Variants in PRKCQ observed in about 807,000 individuals in gnomAD.
PRKCQ encodes protein kinase C theta type.
A neutral mutation model predicts 91.2 loss-of-function variants in PRKCQ; 41 were observed. The ratio of observed to expected loss-of-function variants is 0.45; its 90% CI spans 0.35 to 0.58. PRKCQ has a LOEUF of 0.58. Ranked by LOEUF, PRKCQ falls within the 20% of genes least tolerant of loss-of-function variation. The pLI is 0.00. For synonymous variants in PRKCQ, 307 were observed against 316.9 expected (o/e 0.97, Z 0.33); for missense variants, 673 against 896.5 (o/e 0.75, Z 3.18).
intron 1 of PRKCQ, among the ~76,000 whole-genome samples, chr10:6,577,871 G>A (rs1201119670): frequency 1.3e-5 from 2 of 150,820 alleles, no homozygotes; most frequent in East Asian, 3.9e-4. Context: ...GTCTGTGTAG[G>A]TCTACTTCTG....
At chr10:6,566,146 A>G (rs543919789) in intron 1 of PRKCQ, among the ~76,000 whole-genome samples, 1 of 152,304 alleles carries the variant, frequency 6.6e-6, no homozygotes, top group African/African-American at 2.4e-5. Context: ...AGAACGAATC[A>G]TGTTTTGCTG....
intron 1 of PRKCQ, among the ~76,000 whole-genome samples, chr10:6,520,436 A>G (rs1038201302): frequency 6.6e-6 from 1 of 152,072 alleles, no homozygotes; most frequent in Non-Finnish European, 1.5e-5. Flanking sequence ...CTCAGTCTCC[A>G]TCCAATCTCC....
At chr10:6,485,058 C>T (rs1391182083) in intron 10 of PRKCQ, 94 bp downstream of exon 10, 2 of 1,086,286 alleles carry the variant, frequency 1.8e-6, no homozygotes, top group Non-Finnish European at 1.4e-6. Flanking sequence ...CCTATCAGAC[C>T]AGGTAAGCTG....
intron 1 of PRKCQ, among the ~76,000 whole-genome samples, chr10:6,570,539 G>A (rs971648363): frequency 2.0e-5 from 3 of 149,986 alleles, no homozygotes; most frequent in African/African-American, 7.3e-5. Flanking sequence ...CCTCAGACAG[G>A]AACTAAGGGG....
intron 1 of PRKCQ, among the ~76,000 whole-genome samples, chr10:6,545,703 C>T (rs1369872592): frequency 3.9e-5 from 6 of 152,088 alleles, no homozygotes; most frequent in Admixed American, 3.9e-4. Context: ...TTCTCATGTC[C>T]CTGAACCGTA....
chr10:6,417,257 T>C, the PRKCQ span, among the ~76,000 whole-genome samples: 3 of 152,326 alleles, frequency 2.0e-5, no homozygotes, highest in Middle Eastern at 0.01. Flanking sequence ...TCAGTTGTTA[T>C]TTTGAAATAC....
At chr10:6,552,215 A>G (rs1467156680) in intron 1 of PRKCQ, among the ~76,000 whole-genome samples, 1 of 152,186 alleles carries the variant, frequency 6.6e-6, no homozygotes, top group African/African-American at 2.4e-5. Context: ...CAAGTGTATT[A>G]TAAAGTGTTT....
chr10:6,434,858 T>C (rs78262299), intron 16 of PRKCQ, among the ~76,000 whole-genome samples: 7 of 152,320 alleles, frequency 4.6e-5, no homozygotes, highest in Non-Finnish European at 8.8e-5. Context: ...TAGTTTCCCA[T>C]CATTTTCAAA....
Position 6,515,069 on chromosome 10 carries a change from C to T in PRKCQ, c.67G>A (p.Glu23Lys), listed in dbSNP as rs1183410285. 4.3e-6 allele frequency: 7 copies of T among 1,613,868 alleles called. No homozygotes were observed. Among genetic ancestry groups the T allele is most frequent in the Admixed American group, 1.7e-5 (1 of 59,952 alleles). The change falls in exon 2 of 18, where the codon GAG becomes AAG. Residue 23 changes from glutamate to lysine, a missense_variant. Transcript: ENST00000263125. ...ACAGCACAGTAAGGGTTAACAGCCTCGCCCTGACAAGACTGGCAGGACCCG... is the reference window on the plus strand; with the variant it reads ...ACAGCACAGTAAGGGTTAACAGCCTTGCCCTGACAAGACTGGCAGGACCCG... ...DCGSCQSCQG[E>K]AVNPYCAVLV...
In PRKCQ at chr10:6,511,128, G is replaced by A. The variant is rs757291117; in HGVS notation, c.185C>T (p.Ala62Val). Reference sequence around the variant, plus strand: ...CATGACTCTTCCCTTGTTGATATGGGCATCAAAAGTGCTGTCCCAGGGTGG... The same window carrying A: ...CATGACTCTTCCCTTGTTGATATGGACATCAAAAGTGCTGTCCCAGGGTGG... The part of the protein sequence containing the change: ...MYPPWDSTFD[A>V]HINKGRVMQI... The change falls in exon 3 of 18, where the codon GCC becomes GTC. Residue 62 changes from alanine (A) to valine (V), a missense_variant. Physicochemically the swap from Ala to Val is moderately conservative, Grantham distance 64. Coordinates refer to ENST00000263125, the MANE Select transcript of PRKCQ (RefSeq NM_006257.5). The A allele has an allele frequency of 1.2e-6, 2 of 1,614,066 alleles. No homozygotes were observed. Among genetic ancestry groups the A allele is most frequent in the Non-Finnish European group, 1.7e-6 (2 of 1,180,028 alleles).
intron 15 of PRKCQ, among the ~76,000 whole-genome samples, chr10:6,445,121 CAAAAAAA>C (rs61291267): frequency 4.7e-5 from 5 of 105,420 alleles, no homozygotes; most frequent in South Asian, 3.3e-4. Flanking sequence ...AAGACTCTGT[CAAAAAAA>C]AAAAAAAAAA....
the PRKCQ span, among the ~76,000 whole-genome samples, chr10:6,403,094 C>T: frequency 6.6e-6 from 1 of 152,232 alleles, no homozygotes; most frequent in Non-Finnish European, 1.5e-5. Flanking sequence ...GTTTTATCTC[C>T]TCTGCCAATC....
In PRKCQ at chr10:6,472,342, G is replaced by A. The variant is rs542765729; in HGVS notation, c.1353+6650C>T. On this transcript the variant is annotated intron_variant, in intron 12 of 17. Transcript: ENST00000263125. ...CAAACAAAAAAAAAGCAGGCATGTA[G>A]GAAAGATGCGGCATTTCAGATGCAC... 9.2e-5 allele frequency among the ~76,000 whole-genome samples: 14 copies of A among 152,286 alleles called. No individual in the cohort carries two copies. In the East Asian group the frequency reaches 2.5e-3, roughly 27 times the overall value.
intron 1 of PRKCQ, chr10:6,515,606 T>C (rs2130870862): frequency 1.3e-6 from 1 of 776,460 alleles, no homozygotes; most frequent in Non-Finnish European, 1.6e-6. Context: ...GGTCTATTTA[T>C]GTGTGTAATG....
chr10:6,449,451 G>C (rs1009018737), intron 15 of PRKCQ, among the ~76,000 whole-genome samples: 214 of 152,252 alleles, frequency 1.4e-3, no homozygotes, highest in African/African-American at 5.0e-3. Context: ...CCAAATCTGT[G>C]TCTGATTGGT....
chr10:6,535,456 A>G (rs759795233), intron 1 of PRKCQ, among the ~76,000 whole-genome samples: 4 of 152,140 alleles, frequency 2.6e-5, no homozygotes, highest in Non-Finnish European at 5.9e-5. Context: ...TTAAATCCAC[A>G]TATGTATTAA....
chr10:6,469,096 A>G (rs1208867564), intron 12 of PRKCQ, among the ~76,000 whole-genome samples: 1 of 152,214 alleles, frequency 6.6e-6, no homozygotes, highest in Admixed American at 6.5e-5. Context: ...TTATAATCAG[A>G]AAAAGGACAG....
chr10:6,573,620 T>A (rs1265292938), intron 1 of PRKCQ, among the ~76,000 whole-genome samples: 1 of 152,254 alleles, frequency 6.6e-6, no homozygotes, highest in African/African-American at 2.4e-5. Flanking sequence ...ATTTTTCCAA[T>A]AGATTGTACG....
At chr10:6,414,182 C>A in the PRKCQ span, among the ~76,000 whole-genome samples, 1 of 152,136 alleles carries the variant, frequency 6.6e-6, no homozygotes, top group Non-Finnish European at 1.5e-5. Context: ...AGCTGGGGCT[C>A]ACAGGGCAGT....
Sources: allele counts gnomAD v4.1 joint callset (sites outside exome capture counted in the v4.1 genomes callset), GRCh38; gene constraint gnomAD v4.1.1; transcripts MANE v1.5; gene names NCBI Gene and HGNC (gene_info 2026-07-23, HGNC 2026-07-21).